CCDC196: variants seen among roughly 807,000 people sequenced by gnomAD.
The protein encoded by CCDC196 is coiled-coil domain-containing protein 196.
At chr14:66,490,604 C>G in intron 4 of CCDC196, 138 bp from the exon 5 acceptor site, 1 of 396,508 alleles carries the variant, frequency 2.5e-6, no homozygotes, top group Middle Eastern at 6.3e-4. Context: ...TTCTCAACTC[C>G]CTTTGGTAGT....
Position 66,486,816 on chromosome 14 carries a change from G to A in CCDC196, c.203+7G>A, listed in dbSNP as rs7147360. 0.25 allele frequency: 102,658 copies of A among 412,688 alleles called. 19,502 individuals are homozygous for A. The highest frequency in any genetic ancestry group is 0.66 in the African/African-American group (31,908 of 48,612). The allele number at this position is 412,688 out of a possible 1,614,324, so 25.6% of individuals were successfully genotyped here. ...TGGAGGAAAAACAAAGGAGGTACGG[G>A]CTCTTACTCTGGATTCCTAGAGGTA... On this transcript the variant is annotated splice_region_variant and intron_variant, in intron 2 of 9. Coordinates refer to ENST00000636229, the MANE Select transcript of CCDC196 (RefSeq NM_001351576.1).
At chr14:66,490,145 A>C (rs577814315) in intron 4 of CCDC196, among the ~76,000 whole-genome samples, 112 of 152,268 alleles carry the variant, frequency 7.4e-4, no homozygotes, top group Non-Finnish European at 1.4e-3. Context: ...TGGGTTCTTG[A>C]GTCCTCGTAA....
intron 8 of CCDC196, 59 bp downstream of exon 8, chr14:66,492,253 A>C (rs1345687089): frequency 7.3e-6 from 3 of 412,292 alleles, no homozygotes; most frequent in African/African-American, 2.1e-5. Flanking sequence ...TTTATATTGG[A>C]GACCTTTACT....
At chr14:66,496,716 C>A (rs2057675553) in intron 8 of CCDC196, 1 of 169,550 alleles carries the variant, frequency 5.9e-6, no homozygotes, top group Non-Finnish European at 1.3e-5. Flanking sequence ...ATCATATCTG[C>A]TGGTGTTTAA....
intron 8 of CCDC196, chr14:66,497,004 T>C (rs2057682103): frequency 1.3e-5 from 2 of 152,240 alleles, no homozygotes; most frequent in South Asian, 4.1e-4. Flanking sequence ...AACCTTTACT[T>C]CACTTTAGTA....
chr14:66,492,338 T>TC (rs2139597790), intron 8 of CCDC196, 144 bp downstream of exon 8: 3 of 244,314 alleles, frequency 1.2e-5, no homozygotes, highest in East Asian at 9.1e-5. Context: ...TTTTTCATTA[T>TC]CTTTTTTTTT....
chr14:66,494,534 T>C (rs1473874702), intron 8 of CCDC196: 4 of 152,226 alleles, frequency 2.6e-5, no homozygotes, highest in African/African-American at 9.6e-5. Context: ...GTTGTTTACA[T>C]TGACTTCTTT....
At chr14:66,487,206 G>C (rs991004309) in intron 2 of CCDC196, among the ~76,000 whole-genome samples, 1 of 152,112 alleles carries the variant, frequency 6.6e-6, no homozygotes, top group African/African-American at 2.4e-5. Flanking sequence ...AAGCCTAGGA[G>C]CCCTCTGAAT....
At chr14:66,487,106 C>T (rs765589974) in intron 2 of CCDC196, among the ~76,000 whole-genome samples, 7 of 152,188 alleles carry the variant, frequency 4.6e-5, no homozygotes, top group East Asian at 1.9e-4. Flanking sequence ...TAGTTTACCA[C>T]GGTCACACAG....
chr14:66,491,258 T>C (rs929797594), intron 6 of CCDC196, among the ~76,000 whole-genome samples, 154 bp downstream of exon 6: 2 of 152,170 alleles, frequency 1.3e-5, no homozygotes, highest in African/African-American at 4.8e-5. Context: ...TGAGTTAGAG[T>C]GATATCACAA....
At chr14:66,497,387 C>A (rs1486145040) in intron 8 of CCDC196, among the ~76,000 whole-genome samples, 1 of 152,046 alleles carries the variant, frequency 6.6e-6, no homozygotes, top group East Asian at 1.9e-4. Flanking sequence ...TAATGGGTGA[C>A]AACAGATTCC....
rs75986179 is a variant in CCDC196 at position 66,491,489 on chromosome 14, A to G, written c.514-137A>G. 3,203 of 410,406 alleles carry G rather than the reference A, an allele frequency of 7.8e-3. 87 individuals carry two copies. The highest frequency in any genetic ancestry group is 0.058 in the African/African-American group (2,819 of 48,710). 25.4% of individuals were successfully genotyped at this position (410,406 alleles called of 1,614,324 possible). Reference sequence around the variant, plus strand: ...GCTTGTACAGTTGAGGCCAATTAAGAGAATTGTGCAGTTAAAGTCAATTTA... The same window carrying G: ...GCTTGTACAGTTGAGGCCAATTAAGGGAATTGTGCAGTTAAAGTCAATTTA... On this transcript the variant is annotated intron_variant, in intron 6 of 9. Transcript: ENST00000636229.
Position 66,491,053 on chromosome 14 carries a change from T to G in CCDC196, c.462T>G (p.Thr154=), listed in dbSNP as rs2139592200. 2.4e-6 allele frequency: 1 copy of G among 413,508 alleles called. No homozygotes were observed. Among genetic ancestry groups the G allele is most frequent in the Admixed American group, 4.4e-5 (1 of 22,730 alleles). The allele number at this position is 413,508 out of a possible 1,614,324, so 25.6% of individuals were successfully genotyped here. ...APKSPSSPRK[T]ESELEKSFAE... Reference sequence around the variant, plus strand: ...AATCCCCCTCATCACCTAGGAAGACTGAGAGTGAACTGGAGAAATCATTTG... The same window carrying G: ...AATCCCCCTCATCACCTAGGAAGACGGAGAGTGAACTGGAGAAATCATTTG... The change falls in exon 6 of 10, where the codon ACT becomes ACG. Residue 154 remains threonine (T), a synonymous_variant. Transcript: ENST00000636229.
At chr14:66,496,261 C>T in intron 8 of CCDC196, 1 of 456,250 alleles carries the variant, frequency 2.2e-6, no homozygotes, top group South Asian at 1.5e-5. Context: ...GAAGAGTTTA[C>T]CTCAGTACTC....
intron 8 of CCDC196, among the ~76,000 whole-genome samples, chr14:66,493,116 G>A (rs1467580034): frequency 6.6e-6 from 1 of 150,862 alleles, no homozygotes; most frequent in African/African-American, 2.4e-5. Context: ...ATGGCCAAGG[G>A]ATGACAATGT....
At chr14:66,495,840 C>T (rs971409196) in intron 8 of CCDC196, 4 of 154,876 alleles carry the variant, frequency 2.6e-5, no homozygotes, top group African/African-American at 9.6e-5. Flanking sequence ...GCTCTTTTGG[C>T]ACCAAGGTGT....
chr14:66,495,412 T>C (rs1393396022), intron 8 of CCDC196, among the ~76,000 whole-genome samples: 1 of 152,198 alleles, frequency 6.6e-6, no homozygotes, highest in African/African-American at 2.4e-5. Context: ...AGTGACTCTA[T>C]GAAAGGTATT....
At chr14:66,497,382 G>T (rs907039728) in intron 8 of CCDC196, among the ~76,000 whole-genome samples, 7 of 151,938 alleles carry the variant, frequency 4.6e-5, no homozygotes, top group Admixed American at 4.6e-4. Flanking sequence ...TATTTTAATG[G>T]GTGACAACAG....
intron 8 of CCDC196, 145 bp downstream of exon 8, chr14:66,492,339 C>CATT (rs1555366053): frequency 3.7e-5 from 11 of 298,786 alleles, no homozygotes; most frequent in Non-Finnish European, 6.6e-5. Flanking sequence ...TTTTCATTAT[C>CATT]TTTTTTTTTT....
Sources: gnomAD v4.1 joint callset for allele counts (sites outside exome capture counted in the v4.1 genomes callset) on GRCh38, gnomAD v4.1.1 for gene constraint, MANE v1.5 for transcripts, NCBI Gene and HGNC (gene_info 2026-07-23, HGNC 2026-07-21) for gene names.